Variants in SP100 observed in about 807,000 individuals in gnomAD.
SP100 encodes the protein SP100 nuclear body protein.
Under a neutral mutation model 130.0 loss-of-function variants are expected in SP100, and 84 were observed. The ratio of observed to expected loss-of-function variants is 0.65; its 90% CI spans 0.54 to 0.77. The LOEUF (loss-of-function observed/expected upper bound fraction) is 0.77, where lower values mean the gene tolerates loss of function less well. SP100 is among the 30% of genes least tolerant of loss of function. The pLI is 0.00. For synonymous variants in SP100, 331 were observed against 351.7 expected, an observed-to-expected ratio of 0.94 and a Z score of 0.66; for missense variants, 978 against 1,052.2, an observed-to-expected ratio of 0.93 and a Z score of 0.97.
chr2:230,515,368 G>A lies in SP100; in HGVS notation c.2094+4202G>A, dbSNP rs549772962. On this transcript the variant is annotated intron_variant, in intron 24 of 28. Coordinates refer to ENST00000340126, the MANE Select transcript of SP100 (RefSeq NM_001080391.2). Reference sequence around the variant, plus strand: ...TGAGTATCGCCCAAAAATCAAAGGAGAACATCCTGGCCTGTCCATTGATGA... The same window carrying A: ...TGAGTATCGCCCAAAAATCAAAGGAAAACATCCTGGCCTGTCCATTGATGA... 199 of 1,613,858 alleles carry A rather than the reference G, an allele frequency of 1.2e-4. 2 individuals are homozygous for A. The South Asian group carries it at 2.0e-3, about 16-fold the overall frequency.
At chr2:230,533,073 G>T (rs1691779198) in intron 24 of SP100, among the ~76,000 whole-genome samples, 1 of 152,140 alleles carries the variant, frequency 6.6e-6, no homozygotes, top group African/African-American at 2.4e-5. Flanking sequence ...AAGCCACCGT[G>T]CCCGGCCCTG....
intron 8 of SP100, among the ~76,000 whole-genome samples, chr2:230,455,028 A>G (rs2064198875): frequency 6.6e-6 from 1 of 152,018 alleles, no homozygotes; most frequent in Non-Finnish European, 1.5e-5. Flanking sequence ...ATCATTACAT[A>G]ATGACCTTCT....
Position 230,474,404 on chromosome 2 carries a change from T to C in SP100, c.1557T>C (p.Asp519=). ...SQASDMMDTM[D]VENNSTLEKH... ...CCTGTCACTTTCTAGATACCATGGA[T>C]GTTGAAAACAATTCTACTTTGGAAA... Residue 519 remains aspartate (D), a synonymous_variant, in exon 17 of 29, where the codon GAT becomes GAC. Coordinates refer to ENST00000340126, the MANE Select transcript of SP100 (RefSeq NM_001080391.2). 1 of 1,534,128 alleles carries C rather than the reference T, an allele frequency of 6.5e-7. No individual in the cohort carries two copies. Among genetic ancestry groups the C allele is most frequent in the South Asian group, 1.2e-5 (1 of 86,448 alleles).
intron 15 of SP100, among the ~76,000 whole-genome samples, chr2:230,471,725 C>T (rs936390863): frequency 3.3e-5 from 5 of 152,012 alleles, no homozygotes; most frequent in Non-Finnish European, 5.9e-5. Flanking sequence ...AAGAGCTGGG[C>T]TCCTGAATGG....
chr2:230,532,057 A>G (rs1691724716), intron 24 of SP100, among the ~76,000 whole-genome samples: 1 of 152,060 alleles, frequency 6.6e-6, no homozygotes, highest in Admixed American at 6.6e-5. Flanking sequence ...TTTGTTTCCT[A>G]TGTGTTTCCA....
At chr2:230,460,508 A>G (rs563052882) in intron 8 of SP100, among the ~76,000 whole-genome samples, 4 of 152,024 alleles carry the variant, frequency 2.6e-5, no homozygotes, top group East Asian at 2.0e-4. Context: ...GGAAACCTCA[A>G]TGGTAGTTGT....
intron 4 of SP100, among the ~76,000 whole-genome samples, chr2:230,445,268 C>T (rs1328319571): frequency 6.6e-6 from 1 of 152,112 alleles, no homozygotes; most frequent in Non-Finnish European, 1.5e-5. Flanking sequence ...TAATCTCAAC[C>T]CAGTTCTCCA....
intron 18 of SP100, 52 bp from the exon 19 acceptor site, chr2:230,498,409 T>C (rs375124785): frequency 7.8e-6 from 9 of 1,148,896 alleles, no homozygotes; most frequent in African/African-American, 4.9e-5. Context: ...CACTATTATA[T>C]ATAATGTGAG....
At chr2:230,466,453 G>A (rs1411796583) in intron 12 of SP100, 99 bp downstream of exon 12, 1 of 701,506 alleles carries the variant, frequency 1.4e-6, no homozygotes, top group East Asian at 2.6e-5. Flanking sequence ...CTAATTCCTT[G>A]CTATATCCTT....
intron 22 of SP100, chr2:230,507,084 A>G (rs976687232): frequency 6.6e-6 from 1 of 151,956 alleles, no homozygotes; most frequent in African/African-American, 2.4e-5. Flanking sequence ...CCACTCTAAC[A>G]ATTAAAAAAA....
At chr2:230,498,318 T>G (rs1167875407) in intron 18 of SP100, 143 bp from the exon 19 acceptor site, 1 of 402,954 alleles carries the variant, frequency 2.5e-6, no homozygotes, top group Admixed American at 4.5e-5. Flanking sequence ...AAAGGCTTGG[T>G]AATTGCAAGG....
intron 24 of SP100, among the ~76,000 whole-genome samples, chr2:230,513,330 C>CTTT (rs1331128612): frequency 6.6e-6 from 1 of 152,144 alleles, no homozygotes; most frequent in Non-Finnish European, 1.5e-5. Flanking sequence ...AATCAGTGTC[C>CTTT]TTTTCAGGGT....
intron 19 of SP100, 30 bp from the exon 20 acceptor site, chr2:230,503,036 G>T: frequency 1.3e-6 from 2 of 1,546,260 alleles, no homozygotes; most frequent in Non-Finnish European, 1.8e-6. Context: ...AATGTAAAGA[G>T]ACATTTATGT....
rs758374472 is a variant in SP100 at position 230,542,014 on chromosome 2, T to A, written c.2526T>A (p.His842Gln). Residue 842 changes from histidine (H) to glutamine (Q), a missense_variant, in exon 28 of 29, where the codon CAT becomes CAA. Coordinates refer to ENST00000340126, the MANE Select transcript of SP100 (RefSeq NM_001080391.2). ...GFVQDMRLIF[H>Q]NHKEFYREDK... ...TGCAGGACATGCGTCTCATCTTTCA[T>A]AACCACAAGGAATTTTACAGGGTGA... The A allele has an allele frequency of 8.1e-6, 13 of 1,613,966 alleles. No individual in the cohort carries two copies. Among genetic ancestry groups the A allele is most frequent in the Non-Finnish European group, 1.1e-5 (13 of 1,179,948 alleles).
At position 230,539,968 on chromosome 2, in the gene SP100, G is replaced by A. The variant is rs560176837; in HGVS notation, c.2210+586G>A. Among the ~76,000 whole-genome samples the A allele has an allele frequency of 7.9e-5, 12 of 152,254 alleles. No individual in the cohort carries two copies. In the South Asian group the frequency reaches 2.1e-3, roughly 26 times the overall value. The stretch of plus-strand genomic sequence containing the variant: ...TAAGGCTGAGAGGATGATCTCTACC[G>A]GGAATGTGTCTGACTCTATGAGGGC... On this transcript the variant is annotated intron_variant, in intron 25 of 28. Transcript: ENST00000340126.
At chr2:230,423,170 G>A (rs1452899195) in intron 2 of SP100, among the ~76,000 whole-genome samples, 5 of 152,154 alleles carry the variant, frequency 3.3e-5, no homozygotes, top group African/African-American at 4.8e-5. Flanking sequence ...TGAAGCTCTG[G>A]AAGTATATTA....
Position 230,469,915 on chromosome 2 carries a change from C to T in SP100, c.1346-100C>T, listed in dbSNP as rs1203977480. On this transcript the variant is annotated intron_variant, in intron 14 of 28. Coordinates refer to ENST00000340126, the MANE Select transcript of SP100 (RefSeq NM_001080391.2). Reference sequence around the variant, plus strand: ...AGTGGTGGGACTATTTCTCCCCCTCCTCCACAAGCTTCTCTTGTTCAGTTT... The same window carrying T: ...AGTGGTGGGACTATTTCTCCCCCTCTTCCACAAGCTTCTCTTGTTCAGTTT... The T allele has an allele frequency of 5.3e-6, 8 of 1,508,936 alleles. No individual in the cohort carries two copies. In the Admixed American group the frequency reaches 6.5e-5, roughly 12 times the overall value. The allele number at this position is 1,508,936 out of a possible 1,614,324, so 93.5% of individuals were successfully genotyped here.
intron 17 of SP100, among the ~76,000 whole-genome samples, chr2:230,486,289 G>T (rs2066088798): frequency 6.6e-6 from 1 of 152,076 alleles, no homozygotes; most frequent in Admixed American, 6.6e-5. Context: ...TGTCATGGTG[G>T]TTTGCTGTAC....
intron 2 of SP100, 98 bp downstream of exon 2, chr2:230,417,763 C>T: frequency 1.3e-6 from 2 of 1,495,180 alleles, no homozygotes. Context: ...TAAATTCCCT[C>T]TTCTATAAAT....
Sources: allele counts gnomAD v4.1 joint callset (sites outside exome capture counted in the v4.1 genomes callset), GRCh38; gene constraint gnomAD v4.1.1; transcripts MANE v1.5; gene names NCBI Gene and HGNC (gene_info 2026-07-23, HGNC 2026-07-21).